The following KHNYN variants were observed in gnomAD, a reference collection of about 807,000 sequenced individuals.
The protein encoded by KHNYN is KH and NYN domain containing.
In KHNYN, 42 loss-of-function variants were observed where a neutral mutation model predicts 62.7. That is an observed-to-expected ratio of 0.67 (90% CI 0.52 to 0.87). The LOEUF (loss-of-function observed/expected upper bound fraction) is 0.87, where lower values mean the gene tolerates loss of function less well. Among genes scored for constraint, KHNYN ranks in the 40% least tolerant of loss-of-function variants. The pLI is 0.00. For synonymous variants in KHNYN, 347 were observed against 345.6 expected, an observed-to-expected ratio of 1.00 and a Z score of -0.04; for missense variants, 829 against 874.1, an observed-to-expected ratio of 0.95 and a Z score of 0.65.
chr14:24,432,130 A>T lies in KHNYN; in HGVS notation c.869A>T (p.Gln290Leu). The change falls in exon 3 of 8, where the codon CAG becomes CTG. Residue 290 changes from glutamine (Q) to leucine (L), a missense_variant. Physicochemically the swap from Gln to Leu is moderately radical, Grantham distance 113 (BLOSUM62 -2). Coordinates refer to ENST00000553935, the MANE Select transcript of KHNYN (RefSeq NM_015299.3). This position sits in a 1 kb window ranked among gnomAD's most constrained non-coding sequence, Gnocchi z 5.6. ...GAGAGAGAAGTGGCCCTCAGGCCACAGTCAGTGGGTGGAGGGGCAAGGGAG... is the reference window on the plus strand; with the variant it reads ...GAGAGAGAAGTGGCCCTCAGGCCACTGTCAGTGGGTGGAGGGGCAAGGGAG... ...AWEREVALRP[Q>L]SVGGGARESA... 1 of 1,551,494 alleles carries T rather than the reference A, an allele frequency of 6.4e-7. No individual in the cohort carries two copies. The highest frequency in any genetic ancestry group is 2.3e-5 in the East Asian group (1 of 44,344).
In KHNYN at chr14:24,432,575, C is replaced by A; in HGVS notation, c.1314C>A (p.Arg438=). The A allele has an allele frequency of 6.2e-7, 1 of 1,609,012 alleles. No individual in the cohort carries two copies. Among genetic ancestry groups the A allele is most frequent in the Admixed American group, 1.7e-5 (1 of 59,890 alleles). ...ATGTGCCTGGCCAGCCAGACCTCCG[C>A]CATATTGTCATTGACGGCAGCAACG... ...LANVPGQPDL[R]HIVIDGSNVA... The change falls in exon 3 of 8, where the codon CGC becomes CGA. Residue 438 remains arginine, a synonymous_variant. Transcript: ENST00000553935. This position sits in a 1 kb window ranked among gnomAD's most constrained non-coding sequence, Gnocchi z 5.6.
chr14:24,428,261 G>T (rs1323298793), upstream of KHNYN: 1 of 1,612,374 alleles, frequency 6.2e-7, no homozygotes, highest in East Asian at 2.2e-5. Context: ...CCTGAGCCGG[G>T]GATGGGGGCC....
In KHNYN at chr14:24,440,379, C is replaced by T. The variant is rs201633979; in HGVS notation, c.*3094C>T. The T allele has an allele frequency of 1.2e-5, 20 of 1,613,964 alleles. No individual in the cohort carries two copies. The highest frequency in any genetic ancestry group is 5.0e-5 in the Admixed American group (3 of 60,014). ...TGGGTCAGGATTCCTGCCAGGTCCCCGATGTGTATCCAGGGGAAGAATTGG... is the reference window on the plus strand; with the variant it reads ...TGGGTCAGGATTCCTGCCAGGTCCCTGATGTGTATCCAGGGGAAGAATTGG... On this transcript the variant is annotated 3_prime_UTR_variant, in exon 8 of 8. Transcript: ENST00000553935.
At position 24,432,703 on chromosome 14, in the gene KHNYN, C is replaced by T. The variant is rs746053226; in HGVS notation, c.1350-19C>T. 23 of 1,613,958 alleles carry T rather than the reference C, an allele frequency of 1.4e-5. No individual in the cohort carries two copies. The highest frequency in any genetic ancestry group is 5.0e-5 in the Admixed American group (3 of 60,004). ...CAGGGTGCCAAGCCCCTCCTCTGGC[C>T]GACCCCCTCCCACTACAGGCATGGC... On this transcript the variant is annotated intron_variant, in intron 3 of 7. Coordinates refer to ENST00000553935, the MANE Select transcript of KHNYN (RefSeq NM_015299.3). The surrounding 1 kb of genome is among the most constrained non-coding windows in gnomAD (Gnocchi z 5.6).
upstream of KHNYN, chr14:24,428,235 T>G (rs1174194114): frequency 1.2e-6 from 2 of 1,602,460 alleles, no homozygotes; most frequent in Non-Finnish European, 8.5e-7. Context: ...CTCCCCTTCT[T>G]CCCCCTCCCC....
At chr14:24,428,525 T>C (rs950301159), upstream of KHNYN, 12 of 1,253,234 alleles carry the variant, frequency 9.6e-6, no homozygotes, top group African/African-American at 1.5e-5. Flanking sequence ...TAGGAGTGAA[T>C]AGGAGTGAAC....
chr14:24,440,218 C>T lies in KHNYN; in HGVS notation c.*2933C>T. The stretch of plus-strand genomic sequence containing the variant: ...CACGCTGTCGCCCAAAGACAGCTTG[C>T]ACCACAGCGCTGGGGAGAGGGATGA... On this transcript the variant is annotated 3_prime_UTR_variant, in exon 8 of 8. Coordinates refer to ENST00000553935, the MANE Select transcript of KHNYN (RefSeq NM_015299.3). The T allele has an allele frequency of 6.2e-7, 1 of 1,613,986 alleles. No individual in the cohort carries two copies. Among genetic ancestry groups the T allele is most frequent in the Non-Finnish European group, 8.5e-7 (1 of 1,179,838 alleles).
intron 5 of KHNYN, among the ~76,000 whole-genome samples, chr14:24,433,704 C>T (rs2043160960): frequency 6.6e-6 from 1 of 152,224 alleles, no homozygotes; most frequent in Non-Finnish European, 1.5e-5. Flanking sequence ...CAGTGACATT[C>T]CATCCTAACT....
At position 24,437,159 on chromosome 14, in the gene KHNYN, G is replaced by A; in HGVS notation, c.1911G>A (p.Arg637=). The part of the protein sequence containing the change: ...GGIRKTRETE[R]LRRQLLEVFW... ...TTCGGAAGACCCGGGAAACAGAGCG[G>A]CTCCGGCGGCAGCTGCTGGAGGTGT... Residue 637 remains arginine, a synonymous_variant, in exon 8 of 8, where the codon CGG becomes CGA. Coordinates refer to ENST00000553935, the MANE Select transcript of KHNYN (RefSeq NM_015299.3). The surrounding 1 kb of genome is among the most constrained non-coding windows in gnomAD (Gnocchi z 5.5). 6.2e-6 allele frequency: 10 copies of A among 1,614,192 alleles called. No individual in the cohort carries two copies. Among genetic ancestry groups the A allele is most frequent in the Non-Finnish European group, 8.5e-6 (10 of 1,180,034 alleles).
rs778804808 is a variant in KHNYN, at chr14:24,436,500, C to T, written c.1787+11C>T. On this transcript the variant is annotated intron_variant, in intron 7 of 7. Coordinates refer to ENST00000553935, the MANE Select transcript of KHNYN (RefSeq NM_015299.3). ...GAAGAAGCCAGCCAGGTAATCAATC[C>T]CCTAGACTACTTACAGGCAGCCCCC... 4.2e-5 allele frequency: 67 copies of T among 1,597,948 alleles called. No individual in the cohort carries two copies. Among genetic ancestry groups the T allele is most frequent in the Non-Finnish European group, 5.6e-5 (66 of 1,169,658 alleles).
chr14:24,439,275 A>G lies in KHNYN; in HGVS notation c.*1990A>G, dbSNP rs2043255097. 6.6e-6 allele frequency: 1 copy of G among 152,106 alleles called. No individual in the cohort carries two copies. Among genetic ancestry groups the G allele is most frequent in the South Asian group, 2.1e-4 (1 of 4,820 alleles). The allele number at this position is 152,106 out of a possible 1,614,324, so 9.4% of individuals were successfully genotyped here. A position where few individuals can be genotyped will look rare whatever the true frequency, so the allele number is the denominator to read the frequency against. On this transcript the variant is annotated 3_prime_UTR_variant, in exon 8 of 8. Transcript: ENST00000553935. ...GTGATGGTGGGTGTGCAGTAGACCA[A>G]AAGTGTCTTCTGCCCTTTTGTGCTA...
chr14:24,435,024 T>C (rs1219514423), intron 5 of KHNYN, among the ~76,000 whole-genome samples: 1 of 152,146 alleles, frequency 6.6e-6, no homozygotes, highest in Non-Finnish European at 1.5e-5. Context: ...CTGGGATGGG[T>C]TGGATCTCTG....
chr14:24,436,166 A>C lies in KHNYN; in HGVS notation c.1672A>C (p.Ile558Leu), dbSNP rs756200152. Residue 558 changes from isoleucine (I) to leucine (L), a missense_variant, in exon 6 of 8, where the codon ATC becomes CTC. Physicochemically the swap from Ile to Leu is conservative, Grantham distance 5 (BLOSUM62 2). Transcript: ENST00000553935. ...LAEESEKWMA[I>L]IRERLLPFTF... Reference sequence around the variant, plus strand: ...GGAGGAGTCTGAGAAGTGGATGGCAATCATCAGAGAACGGTGAGGGAGCCC... The same window carrying C: ...GGAGGAGTCTGAGAAGTGGATGGCACTCATCAGAGAACGGTGAGGGAGCCC... 1.2e-6 allele frequency: 2 copies of C among 1,613,564 alleles called. No homozygotes were observed. The highest frequency in any genetic ancestry group is 3.3e-5 in the Admixed American group (2 of 60,030).
Position 24,441,132 on chromosome 14 carries a change from G to C in KHNYN, c.*3847G>C. Reference sequence around the variant, plus strand: ...AACTCTGGTTGCAGGGCTAAACTTAGAGGCTGCTAGAGTGTAGTGGTTAAG... The same window carrying C: ...AACTCTGGTTGCAGGGCTAAACTTACAGGCTGCTAGAGTGTAGTGGTTAAG... On this transcript the variant is annotated 3_prime_UTR_variant, in exon 8 of 8. Transcript: ENST00000553935. 4.4e-6 allele frequency: 3 copies of C among 683,044 alleles called. No individual in the cohort carries two copies. The South Asian group carries it at 4.5e-5, about 10-fold the overall frequency. The allele number at this position is 683,044 out of a possible 1,614,324, so 42.3% of individuals were successfully genotyped here.
In KHNYN at chr14:24,440,465, G is replaced by T. The variant is rs1594762774; in HGVS notation, c.*3180G>T. 2 of 1,609,070 alleles carry T rather than the reference G, an allele frequency of 1.2e-6. No homozygotes were observed. Among genetic ancestry groups the T allele is most frequent in the Non-Finnish European group, 1.7e-6 (2 of 1,177,716 alleles). On this transcript the variant is annotated 3_prime_UTR_variant, in exon 8 of 8. Coordinates refer to ENST00000553935, the MANE Select transcript of KHNYN (RefSeq NM_015299.3). Reference sequence around the variant, plus strand: ...AAAGGGCAGCAGCATGTGGCCCATGGCACCACCCCCACGGCCCAGCACAAC... The same window carrying T: ...AAAGGGCAGCAGCATGTGGCCCATGTCACCACCCCCACGGCCCAGCACAAC...
chr14:24,431,070 T>C, intron 2 of KHNYN, 139 bp downstream of exon 2: 1 of 746,732 alleles, frequency 1.3e-6, no homozygotes, highest in East Asian at 2.7e-5. Context: ...ACTGGCAACC[T>C]CAGTGCCCCT....
upstream of KHNYN, chr14:24,428,878 G>A (rs768914584): frequency 5.6e-6 from 9 of 1,601,858 alleles, no homozygotes; most frequent in African/African-American, 5.4e-5. Context: ...CTGCTCCCCC[G>A]GGCCCCCCTG....
upstream of KHNYN, among the ~76,000 whole-genome samples, chr14:24,425,883 A>T (rs1355051832): frequency 6.6e-6 from 1 of 152,200 alleles, no homozygotes; most frequent in African/African-American, 2.4e-5. Flanking sequence ...AGTATCTTTC[A>T]TTCTTGGCAC....
Position 24,432,163 on chromosome 14 carries a change from C to A in KHNYN, c.902C>A (p.Pro301His). ...SVGGGARESA[P>H]LKGKALGKEE... is the part of the protein sequence containing the mutation. ...GGTGGAGGGGCAAGGGAGTCAGCAC[C>A]CCTGAAAGGGAAGGCCCTGGGGAAG... The change falls in exon 3 of 8, where the codon CCC becomes CAC. Residue 301 changes from proline (P) to histidine (H), a missense_variant. Pro to His is a moderately conservative substitution (Grantham distance 77). Around this residue, in one of 2 missense-constraint regions of KHNYN, gnomAD observed 559 missense variants for 527.0 expected, o/e 1.06. Coordinates refer to ENST00000553935, the MANE Select transcript of KHNYN (RefSeq NM_015299.3). The surrounding 1 kb of genome is among the most constrained non-coding windows in gnomAD (Gnocchi z 5.6). 2 of 1,561,974 alleles carry A rather than the reference C, an allele frequency of 1.3e-6. No homozygotes were observed. The highest frequency in any genetic ancestry group is 1.7e-6 in the Non-Finnish European group (2 of 1,152,224).
Sources: gnomAD v4.1 joint callset for allele counts (sites outside exome capture counted in the v4.1 genomes callset) on GRCh38, gnomAD v4.1.1 for gene constraint, gnomAD v4.1.1 regional missense constraint, Gnocchi (gnomAD v3.1) non-coding constraint, MANE v1.5 for transcripts, NCBI Gene and HGNC (gene_info 2026-07-23, HGNC 2026-07-21) for gene names.